MYO15B: variants seen among roughly 807,000 people sequenced by gnomAD.
MYO15B encodes the protein myosin XVB.
A neutral mutation model predicts 119.3 loss-of-function variants in MYO15B; 207 were observed. The ratio of observed to expected loss-of-function variants is 1.73; its 90% CI spans 1.55 to 1.95. The LOEUF (loss-of-function observed/expected upper bound fraction) is 1.95. Among genes scored for constraint, MYO15B ranks in the 30% most tolerant of loss-of-function variants. MYO15B has a pLI of 0.00. For synonymous variants in MYO15B, 966 were observed against 498.9 expected (o/e 1.94, Z -12.48); for missense variants, 2,264 against 1,203.1 (o/e 1.88, Z -13.04).
exon 29 of MYO15B, chr17:75,613,717 C>T (rs1036941511): frequency 4.0e-5 from 28 of 702,316 alleles, no homozygotes; most frequent in Admixed American, 3.0e-4. Context: ...GAGTGCTACT[C>T]GGCCGAGGTG....
intron 4 of MYO15B, 47 bp from the exon 5 acceptor site, chr17:75,591,554 T>A (rs920120248): frequency 5.7e-5 from 40 of 701,904 alleles, no homozygotes; most frequent in Non-Finnish European, 1.0e-4. Context: ...ACTGGGGTGG[T>A]CCTATGTGCC....
Position 75,596,878 on chromosome 17 carries a change from CG to C in MYO15B, c.3505del (p.Ala1169ProfsTer54). 1.4e-6 allele frequency: 1 copy of C among 702,382 alleles called. No homozygotes were observed. Among genetic ancestry groups the C allele is most frequent in the Non-Finnish European group, 2.6e-6 (1 of 384,644 alleles). The allele number at this position is 702,382 out of a possible 1,614,324, so 43.5% of individuals were successfully genotyped here. A position where few individuals can be genotyped will look rare whatever the true frequency, so the allele number is the denominator to read the frequency against. ...CCCACAGCCTCCTGAGTATCCTGGACGCCCAGACATGGCTGTCCCAGGTAAG... is the reference window on the plus strand; with the variant it reads ...CCCACAGCCTCCTGAGTATCCTGGACCCCAGACATGGCTGTCCCAGGTAAG... On this transcript the variant is annotated frameshift_variant, in exon 14 of 64. Coordinates refer to ENST00000645453, the Ensembl canonical transcript of MYO15B. LOFTEE classifies it high-confidence loss of function.
At chr17:75,615,124 G>A (rs1373314403) in intron 33 of MYO15B, 82 bp downstream of exon 33, 2 of 679,626 alleles carry the variant, frequency 2.9e-6, no homozygotes, top group Admixed American at 2.1e-5. Context: ...TCTGGCAGTG[G>A]CGATCGATGC....
chr17:75,622,835 T>C (rs2058785739), intron 53 of MYO15B, among the ~76,000 whole-genome samples: 1 of 152,134 alleles, frequency 6.6e-6, no homozygotes, highest in Admixed American at 6.5e-5. Flanking sequence ...AAATCTGTTT[T>C]GGACACGTGA....
chr17:75,616,806 G>A (rs1043328232), intron 39 of MYO15B, 21 bp downstream of exon 39: 1 of 703,050 alleles, frequency 1.4e-6, no homozygotes, highest in Non-Finnish European at 2.6e-6. Flanking sequence ...ACGGGGAGGT[G>A]GCCAGGGCTG....
At chr17:75,624,882 A>G (rs1568237717) in exon 59 of MYO15B, 6 of 702,886 alleles carry the variant, frequency 8.5e-6, no homozygotes, top group Non-Finnish European at 1.6e-5. Flanking sequence ...CTGCACTTCG[A>G]TAACTCCACC....
Position 75,614,693 on chromosome 17 carries a change from G to A in MYO15B, c.5482+10G>A, listed in dbSNP as rs934720686. On this transcript the variant is annotated intron_variant, in intron 31 of 63. Coordinates refer to ENST00000645453, the Ensembl canonical transcript of MYO15B. Reference sequence around the variant, plus strand: ...AGCAGGGACCACACAGGTAAGGCTGGAGTGGGCACATGGAGGTTGGCAGAG... The same window carrying A: ...AGCAGGGACCACACAGGTAAGGCTGAAGTGGGCACATGGAGGTTGGCAGAG... The A allele has an allele frequency of 5.7e-6, 4 of 702,388 alleles. No individual in the cohort carries two copies. Among genetic ancestry groups the A allele is most frequent in the African/African-American group, 1.7e-5 (1 of 57,264 alleles). 43.5% of individuals were successfully genotyped at this position (702,388 alleles called of 1,614,324 possible). A position where few individuals can be genotyped will look rare whatever the true frequency, so the allele number is the denominator to read the frequency against.
intron 28 of MYO15B, 41 bp downstream of exon 28, chr17:75,613,512 G>T: frequency 7.5e-6 from 5 of 662,560 alleles, no homozygotes; most frequent in Non-Finnish European, 1.3e-5. Context: ...GGCCTGAAGT[G>T]GGGCCAGCCC....
rs536050567 is a variant in MYO15B, at chr17:75,620,562, C to T, written c.7651C>T (p.Gln2551Ter). 1.4e-6 allele frequency: 1 copy of T among 702,886 alleles called. No homozygotes were observed. The highest frequency in any genetic ancestry group is 2.0e-5 in the Admixed American group (1 of 50,008). The allele number at this position is 702,886 out of a possible 1,614,324, so 43.5% of individuals were successfully genotyped here. A position where few individuals can be genotyped will look rare whatever the true frequency, so the allele number is the denominator to read the frequency against. ...TCCCGACTTTTCCTTCTCCAAGGAG[C>T]AGAGGAGTGGCTGGCACAAGGGTCA... Residue 2551 changes from glutamine (Q) to a stop codon, truncating the protein, a stop_gained, in exon 49 of 64, where the codon CAG becomes TAG. Coordinates refer to ENST00000645453, the Ensembl canonical transcript of MYO15B. LOFTEE classifies it high-confidence loss of function.
chr17:75,620,555 C>A (rs960465613), exon 49 of MYO15B: 2 of 702,754 alleles, frequency 2.8e-6, no homozygotes, highest in African/African-American at 3.5e-5. Flanking sequence ...TTTCCTTCTC[C>A]AAGGAGCAGA....
rs2058037877 is a variant in MYO15B, at chr17:75,611,668, G to A, written c.4504+10G>A. ...CTGAAGACGGCGGAAAGTGAGTCTT[G>A]TTGGTGTCCTCTTGTTAGGACTCCT... On this transcript the variant is annotated intron_variant, in intron 24 of 63. Transcript: ENST00000645453. 2.8e-6 allele frequency: 2 copies of A among 702,734 alleles called. No homozygotes were observed. The highest frequency in any genetic ancestry group is 4.0e-5 in the Admixed American group (2 of 49,982). The allele number at this position is 702,734 out of a possible 1,614,324, so 43.5% of individuals were successfully genotyped here.
chr17:75,599,282 T>C (rs2057085518), intron 14 of MYO15B, among the ~76,000 whole-genome samples: 1 of 151,464 alleles, frequency 6.6e-6, no homozygotes, highest in Non-Finnish European at 1.5e-5. Flanking sequence ...GAAAGTGATT[T>C]TTTTTTTTTT....
exon 1 of MYO15B, chr17:75,590,008 G>A (rs1053770597): frequency 4.3e-5 from 17 of 398,668 alleles, no homozygotes; most frequent in African/African-American, 2.9e-4. Flanking sequence ...TAGGCTTGGC[G>A]CCGCCGTGCT....
exon 32 of MYO15B, chr17:75,614,819 C>T (rs2058263501): frequency 1.4e-6 from 1 of 702,738 alleles, no homozygotes; most frequent in Admixed American, 2.0e-5. Context: ...TGGACCAGAT[C>T]TTCCAGCCAG....
At position 75,594,105 on chromosome 17, in the gene MYO15B, GA is replaced by G. The variant is rs57049037; in HGVS notation, c.2992-359del. 4.4e-3 allele frequency among the ~76,000 whole-genome samples: 594 copies of G among 134,028 alleles called. 4 individuals carry two copies. The highest frequency in any genetic ancestry group is 0.015 in the African/African-American group (520 of 34,810). 87.9% of individuals were successfully genotyped at this position (134,028 alleles called of 152,430 possible). On this transcript the variant is annotated intron_variant, in intron 9 of 63. Coordinates refer to ENST00000645453, the Ensembl canonical transcript of MYO15B. ...ACCCTGTCTCAAAAAAAAAAAAAAA[GA>G]AAAAAAAAAATCAAACGAGCAGCTG...
At chr17:75,602,223 G>A in intron 15 of MYO15B, 1 of 499,626 alleles carries the variant, frequency 2.0e-6, no homozygotes. Flanking sequence ...AATCAAAATA[G>A]ATTTAATATG....
At chr17:75,610,625 GC>G in intron 22 of MYO15B, 1 of 551,418 alleles carries the variant, frequency 1.8e-6, no homozygotes, top group Non-Finnish European at 3.2e-6. Context: ...CCCCTCTCTG[GC>G]CCCTCCCTGG....
intron 58 of MYO15B, 45 bp downstream of exon 58, chr17:75,624,684 C>T (rs2058919437): frequency 1.4e-6 from 1 of 702,726 alleles, no homozygotes; most frequent in Admixed American, 2.0e-5. Context: ...CTCCCCTGCC[C>T]AGGGGTGAGG....
exon 49 of MYO15B, chr17:75,620,622 G>A (rs2058652177): frequency 4.3e-6 from 3 of 701,480 alleles, no homozygotes; most frequent in Non-Finnish European, 7.8e-6. Context: ...GGCTCGGTGG[G>A]ACAGGGCCTC....
Sources: gnomAD v4.1 joint callset for allele counts (sites outside exome capture counted in the v4.1 genomes callset) on GRCh38, gnomAD v4.1.1 for gene constraint, MANE v1.5 for transcripts, NCBI Gene and HGNC (gene_info 2026-07-23, HGNC 2026-07-21) for gene names.